Variants in FHOD3 observed in about 807,000 individuals in gnomAD.
FHOD3 encodes the protein FH1/FH2 domain-containing protein 3.
FHOD3 carries 90 observed loss-of-function variants against 173.0 expected under a neutral mutation model. That is an observed-to-expected ratio of 0.52 (90% CI 0.44 to 0.62). The LOEUF (loss-of-function observed/expected upper bound fraction) is 0.62. Ranked by LOEUF, FHOD3 falls within the 20% of genes least tolerant of loss-of-function variation. The pLI, the probability that FHOD3 is intolerant of heterozygous loss-of-function variation, is 0.00. For missense variants in FHOD3, 1,945 were observed against 2,034.7 expected (o/e 0.96, Z 0.85); for synonymous variants, 828 against 823.0 (o/e 1.01, Z -0.10).
chr18:36,355,865 A>G (rs761359574), intron 2 of FHOD3, among the ~76,000 whole-genome samples: 13 of 152,192 alleles, frequency 8.5e-5, no homozygotes, highest in Non-Finnish European at 1.3e-4. Flanking sequence ...AGCCTTTCCT[A>G]GGAACATTTG....
chr18:36,444,644 G>T (rs542115700), intron 3 of FHOD3, among the ~76,000 whole-genome samples: 1 of 152,152 alleles, frequency 6.6e-6, no homozygotes, highest in Admixed American at 6.5e-5. Context: ...CAAATGAGCA[G>T]ATATGTGGAT....
intron 1 of FHOD3, among the ~76,000 whole-genome samples, chr18:36,336,682 CAAA>C (rs35621641): frequency 0.048 from 6,518 of 135,764 alleles, 469 homozygotes; most frequent in African/African-American, 0.16. Flanking sequence ...GCTAAAAATA[CAAA>C]AAAAAAAAAA....
Position 36,779,625 on chromosome 18 carries a change from C to A in FHOD3, c.*95C>A. 9.4e-7 allele frequency: 1 copy of A among 1,058,466 alleles called. No homozygotes were observed. 65.6% of individuals were successfully genotyped at this position (1,058,466 alleles called of 1,614,324 possible). A position where few individuals can be genotyped will look rare whatever the true frequency, so the allele number is the denominator to read the frequency against. On this transcript the variant is annotated 3_prime_UTR_variant, in exon 29 of 29. Transcript: ENST00000590592. ...TGGGGTTGGGGAGACTTGATATTCA[C>A]ATCCAACAGTTTGAAAAGGGAGAGC...
intron 5 of FHOD3, among the ~76,000 whole-genome samples, chr18:36,532,034 C>A (rs1053633772): frequency 1.3e-5 from 2 of 152,242 alleles, no homozygotes; most frequent in Non-Finnish European, 2.9e-5. Flanking sequence ...TCACTGCTGG[C>A]CTGCTTCTGT....
chr18:36,467,921 A>G (rs771212212), intron 3 of FHOD3, among the ~76,000 whole-genome samples: 1 of 152,176 alleles, frequency 6.6e-6, no homozygotes, highest in Non-Finnish European at 1.5e-5. Context: ...AGACCTCGAG[A>G]AGTGGGTCCA....
intron 9 of FHOD3, among the ~76,000 whole-genome samples, chr18:36,625,250 C>T (rs968623359): frequency 1.3e-5 from 2 of 152,188 alleles, no homozygotes; most frequent in Non-Finnish European, 2.9e-5. Context: ...AAATATTTCT[C>T]AGACTCACTG....
chr18:36,548,639 A>G (rs1412653776), intron 5 of FHOD3, among the ~76,000 whole-genome samples: 4 of 152,118 alleles, frequency 2.6e-5, no homozygotes, highest in African/African-American at 9.7e-5. Flanking sequence ...TTCTGTCACT[A>G]TGCATTAGAT....
chr18:36,347,976 G>A (rs2145618070), intron 1 of FHOD3, among the ~76,000 whole-genome samples: 1 of 152,330 alleles, frequency 6.6e-6, no homozygotes, highest in South Asian at 2.1e-4. Context: ...AAATAGCAGA[G>A]GACAACCTCA....
At chr18:36,338,926 C>G (rs916425084) in intron 1 of FHOD3, among the ~76,000 whole-genome samples, 1 of 152,044 alleles carries the variant, frequency 6.6e-6, no homozygotes. Flanking sequence ...GAAGGAGAGC[C>G]GGGCACTGGC....
intron 28 of FHOD3, chr18:36,779,160 T>G (rs747713962): frequency 4.5e-6 from 2 of 449,412 alleles, no homozygotes; most frequent in African/African-American, 2.0e-5. Context: ...AGGGTGAGCC[T>G]CTCCTCCTTT....
At chr18:36,321,349 T>TGG (rs140885834) in intron 1 of FHOD3, among the ~76,000 whole-genome samples, 2 of 151,992 alleles carry the variant, frequency 1.3e-5, no homozygotes, top group African/African-American at 4.8e-5. Context: ...AATAATGAGA[T>TGG]GGGGGTCCCC....
At chr18:36,548,507 C>T (rs192627465) in intron 5 of FHOD3, among the ~76,000 whole-genome samples, 7 of 152,248 alleles carry the variant, frequency 4.6e-5, no homozygotes, top group East Asian at 1.9e-4. Flanking sequence ...ACACAGTTGC[C>T]GCCATCATCA....
rs74500705 is a variant in FHOD3 at position 36,464,087 on chromosome 18, A to T, written c.338-37845A>T. 9.1e-4 allele frequency among the ~76,000 whole-genome samples: 139 copies of T among 152,336 alleles called. 1 individual carries two copies. Among genetic ancestry groups the T allele is most frequent in the Middle Eastern group, 3.4e-3 (1 of 294 alleles). ...ACCATCTTTAATTCTATTTAGTCAG[A>T]AGAGCCTTATGCTTCCAATAGCTGA... On this transcript the variant is annotated intron_variant, in intron 3 of 28. Transcript: ENST00000590592.
chr18:36,561,203 A>G (rs989878883), intron 5 of FHOD3, among the ~76,000 whole-genome samples: 3 of 152,258 alleles, frequency 2.0e-5, no homozygotes, highest in African/African-American at 7.2e-5. Context: ...AATACTAGTC[A>G]TTGATTGACA....
At chr18:36,420,198 C>T (rs1185160170) in intron 3 of FHOD3, among the ~76,000 whole-genome samples, 1 of 152,156 alleles carries the variant, frequency 6.6e-6, no homozygotes, top group African/African-American at 2.4e-5. Context: ...GTGACAGCGC[C>T]AGGCACATGT....
chr18:36,721,159 A>G (rs2040766625), intron 19 of FHOD3, among the ~76,000 whole-genome samples: 2 of 152,212 alleles, frequency 1.3e-5, no homozygotes, highest in South Asian at 4.1e-4. Flanking sequence ...ATGTTTGCAT[A>G]GTTTTTATCA....
intron 5 of FHOD3, among the ~76,000 whole-genome samples, chr18:36,521,905 T>G (rs1370859885): frequency 1.3e-5 from 2 of 152,198 alleles, no homozygotes; most frequent in Non-Finnish European, 2.9e-5. Context: ...CCTGCAGACC[T>G]TGGCATCTGC....
chr18:36,595,015 C>A (rs2030079214), intron 7 of FHOD3, 117 bp downstream of exon 7: 2 of 645,722 alleles, frequency 3.1e-6, no homozygotes, highest in Non-Finnish European at 2.6e-6. Flanking sequence ...GAGATGTGGA[C>A]TTCCCACTGC....
intron 3 of FHOD3, among the ~76,000 whole-genome samples, chr18:36,416,199 A>AT (rs1271776576): frequency 1.3e-5 from 2 of 151,852 alleles, no homozygotes; most frequent in South Asian, 2.1e-4. Flanking sequence ...CGCCCAGCTA[A>AT]TTTTTTTGTA....
Sources: gnomAD v4.1 joint callset for allele counts (sites outside exome capture counted in the v4.1 genomes callset) on GRCh38, gnomAD v4.1.1 for gene constraint, MANE v1.5 for transcripts, NCBI Gene and HGNC (gene_info 2026-07-23, HGNC 2026-07-21) for gene names.